The following ARF1 variants were observed in gnomAD, a reference collection of about 807,000 sequenced individuals.
ARF1 encodes the protein ADP-ribosylation factor 1.
A neutral mutation model predicts 18.0 loss-of-function variants in ARF1; 1 was observed. The ratio of observed to expected loss-of-function variants is 0.06; its 90% CI spans 0.02 to 0.26. The LOEUF is 0.26. Ranked by LOEUF, ARF1 falls within the 10% of genes least tolerant of loss-of-function variation. The pLI is 1.00. For synonymous variants in ARF1, 112 were observed against 96.3 expected, an observed-to-expected ratio of 1.16 and a Z score of -0.95; for missense variants, 73 against 247.2, an observed-to-expected ratio of 0.30 and a Z score of 4.73.
intron 1 of ARF1, among the ~76,000 whole-genome samples, chr1:228,085,204 C>T (rs1417303603): frequency 6.6e-6 from 1 of 152,242 alleles, no homozygotes; most frequent in African/African-American, 2.4e-5. Flanking sequence ...CTGCCCGTAG[C>T]GTCTGAAGTG....
chr1:228,090,400 C>CG (rs2124848063), intron 1 of ARF1: 1 of 152,308 alleles, frequency 6.6e-6, no homozygotes, highest in South Asian at 2.1e-4. Context: ...GCCCTGGGGA[C>CG]GGGGCTGGTT....
At chr1:228,083,430 C>T (rs531945582) in intron 1 of ARF1, 1 of 152,468 alleles carries the variant, frequency 6.6e-6, no homozygotes, top group African/African-American at 2.4e-5. Context: ...ACCCCGTGCC[C>T]TTCCCTGTCT....
chr1:228,086,610 A>T (rs2124843534), intron 1 of ARF1, among the ~76,000 whole-genome samples: 1 of 152,314 alleles, frequency 6.6e-6, no homozygotes, highest in Admixed American at 6.5e-5. Context: ...GAGCTTCCAG[A>T]AAGCTGAATT....
intron 1 of ARF1, among the ~76,000 whole-genome samples, chr1:228,093,773 TA>T (rs1434398123): frequency 1.4e-4 from 21 of 150,788 alleles, no homozygotes; most frequent in Non-Finnish European, 4.4e-5. Flanking sequence ...AAAATAAAAA[TA>T]AAAATTAGCT....
Position 228,097,307 on chromosome 1 carries a change from A to G in ARF1, c.149-35A>G, listed in dbSNP as rs757653610. 2 of 1,609,946 alleles carry G rather than the reference A, an allele frequency of 1.2e-6. No homozygotes were observed. Among genetic ancestry groups the G allele is most frequent in the South Asian group, 1.1e-5 (1 of 90,276 alleles). On this transcript the variant is annotated intron_variant, in intron 2 of 4. Coordinates refer to ENST00000272102, the MANE Select transcript of ARF1 (RefSeq NM_001658.4). The surrounding 1 kb of genome is among the most constrained non-coding windows in gnomAD (Gnocchi z 8.1). The stretch of plus-strand genomic sequence containing the variant: ...GGAGTGGGCTGGGCTGGGCTGGGCC[A>G]AGGTACAAGGCCTCACCCTGCATCC...
At position 228,097,863 on chromosome 1, in the gene ARF1, C is replaced by T. The variant is rs139432130; in HGVS notation, c.396C>T (p.Asn132=). ...LVFANKQDLP[N]AMNAAEITDK... is the part of the protein sequence containing the mutation. ...CTTCCTTCCCCCAGGACCTCCCCAA[C>T]GCCATGAATGCGGCCGAGATCACAG... Residue 132 remains asparagine, a synonymous_variant, in exon 5 of 5, where the codon AAC becomes AAT. Transcript: ENST00000272102. This position sits in a 1 kb window ranked among gnomAD's most constrained non-coding sequence, Gnocchi z 8.1. 67 of 1,613,802 alleles carry T rather than the reference C, an allele frequency of 4.2e-5. No individual in the cohort carries two copies. The highest frequency in any genetic ancestry group is 1.2e-4 in the South Asian group (11 of 91,052).
intron 1 of ARF1, chr1:228,090,462 G>A (rs1013215426): frequency 6.6e-6 from 1 of 152,264 alleles, no homozygotes; most frequent in Admixed American, 6.5e-5. Context: ...GGGTAGGGGT[G>A]CTGTGTTTCT....
intron 1 of ARF1, among the ~76,000 whole-genome samples, chr1:228,095,179 C>T (rs1382000841): frequency 6.7e-6 from 1 of 149,722 alleles, no homozygotes; most frequent in Non-Finnish European, 1.5e-5. Flanking sequence ...AAATAGTATT[C>T]TGTCTTCAGT....
chr1:228,093,800 C>T (rs867456729), intron 1 of ARF1, among the ~76,000 whole-genome samples: 15 of 151,878 alleles, frequency 9.9e-5, no homozygotes, highest in African/African-American at 2.9e-4. Context: ...TGGTGGCACG[C>T]GCCTGTAGTC....
At chr1:228,095,562 G>C (rs1470921579) in intron 1 of ARF1, among the ~76,000 whole-genome samples, 1 of 152,206 alleles carries the variant, frequency 6.6e-6, no homozygotes, top group African/African-American at 2.4e-5. Flanking sequence ...TGTTGTGTTA[G>C]TATATTTTGT....
chr1:228,085,805 A>G (rs2032375151), intron 1 of ARF1, among the ~76,000 whole-genome samples: 1 of 152,240 alleles, frequency 6.6e-6, no homozygotes, highest in Non-Finnish European at 1.5e-5. Flanking sequence ...AGTGGACAGG[A>G]GAGTTGATTC....
intron 1 of ARF1, chr1:228,091,197 G>A (rs1183291873): frequency 1.3e-5 from 2 of 152,202 alleles, no homozygotes. Flanking sequence ...CTGGCTGTCA[G>A]TACACAAACT....
In ARF1 at chr1:228,097,086, G is replaced by C; in HGVS notation, c.-29G>C. The C allele has an allele frequency of 6.4e-7, 1 of 1,573,988 alleles. No individual in the cohort carries two copies. The highest frequency in any genetic ancestry group is 8.6e-7 in the Non-Finnish European group (1 of 1,159,486). ...GCACCTTGTCTCTCCAGGTGTCCCT[G>C]GCCAGTGTCCTTCCACCTGTCCACA... On this transcript the variant is annotated 5_prime_UTR_variant, in exon 2 of 5. Coordinates refer to ENST00000272102, the MANE Select transcript of ARF1 (RefSeq NM_001658.4). This position sits in a 1 kb window ranked among gnomAD's most constrained non-coding sequence, Gnocchi z 8.1.
At chr1:228,085,538 G>A (rs2032365225) in intron 1 of ARF1, among the ~76,000 whole-genome samples, 1 of 152,238 alleles carries the variant, frequency 6.6e-6, no homozygotes, top group South Asian at 2.1e-4. Context: ...TAAAGTCCTT[G>A]ACTAATCCTG....
intron 1 of ARF1, among the ~76,000 whole-genome samples, chr1:228,085,521 T>C (rs1056206966): frequency 2.6e-5 from 4 of 152,230 alleles, no homozygotes; most frequent in Non-Finnish European, 4.4e-5. Flanking sequence ...GGCTGGCTGA[T>C]AAGCCATAAA....
At position 228,098,264 on chromosome 1, in the gene ARF1, AAAATC is replaced by A. The variant is rs2032821100; in HGVS notation, c.*254_*258del. On this transcript the variant is annotated 3_prime_UTR_variant, in exon 5 of 5. Coordinates refer to ENST00000272102, the MANE Select transcript of ARF1 (RefSeq NM_001658.4). ...CTCAGCTTTTTTTATTGTAAAAAGA[AAAATC>A]AACTCACTGTTCAGTGCTGAGAGGG... is the stretch of plus-strand genomic sequence containing the variant. 2 of 393,492 alleles carry A rather than the reference AAAATC, an allele frequency of 5.1e-6. No homozygotes were observed. Among genetic ancestry groups the A allele is most frequent in the Non-Finnish European group, 4.5e-6 (1 of 223,378 alleles). 24.4% of individuals were successfully genotyped at this position (393,492 alleles called of 1,614,324 possible).
chr1:228,083,349 T>A (rs1398454520), intron 1 of ARF1: 3 of 152,288 alleles, frequency 2.0e-5, no homozygotes, highest in African/African-American at 7.2e-5. Flanking sequence ...CCCGACTCCA[T>A]CCAGTTCGTG....
At chr1:228,086,287 G>A (rs576441823) in intron 1 of ARF1, among the ~76,000 whole-genome samples, 2 of 152,188 alleles carry the variant, frequency 1.3e-5, no homozygotes, top group East Asian at 1.9e-4. Flanking sequence ...AGGCTGAGGC[G>A]GGTGGATCAT....
At chr1:228,086,361 A>G (rs1395581284) in intron 1 of ARF1, among the ~76,000 whole-genome samples, 1 of 152,002 alleles carries the variant, frequency 6.6e-6, no homozygotes, top group African/African-American at 2.4e-5. Context: ...TAAAAATACA[A>G]AAAAATAGGC....
Sources: gnomAD v4.1 joint callset for allele counts (sites outside exome capture counted in the v4.1 genomes callset) on GRCh38, gnomAD v4.1.1 for gene constraint, Gnocchi (gnomAD v3.1) non-coding constraint, MANE v1.5 for transcripts, NCBI Gene and HGNC (gene_info 2026-07-23, HGNC 2026-07-21) for gene names.